The following HTR1F variants were observed in gnomAD, a reference collection of about 807,000 sequenced individuals.
HTR1F encodes the protein 5-hydroxytryptamine receptor 1F, also known as 5-hydroxytryptamine (serotonin) receptor 1F, G protein-coupled.
HTR1F carries 17 observed loss-of-function variants against 24.0 expected under a neutral mutation model. The ratio of observed to expected loss-of-function variants is 0.71; its 90% CI spans 0.48 to 1.06. HTR1F has a LOEUF of 1.06. HTR1F is among the 50% of genes least tolerant of loss of function. The pLI, the probability that HTR1F is intolerant of heterozygous loss-of-function variation, is 0.00. For missense variants in HTR1F, 391 were observed against 427.8 expected (o/e 0.91, Z 0.76); for synonymous variants, 186 against 156.8 (o/e 1.19, Z -1.39).
intron 2 of HTR1F, among the ~76,000 whole-genome samples, chr3:87,946,028 T>C (rs1704692639): frequency 6.6e-6 from 1 of 152,170 alleles, no homozygotes; most frequent in Admixed American, 6.5e-5. Flanking sequence ...GTTATAGCTC[T>C]ATTAGAAGCC....
At chr3:87,936,277 T>C (rs1252117541) in intron 2 of HTR1F, among the ~76,000 whole-genome samples, 1 of 152,232 alleles carries the variant, frequency 6.6e-6, no homozygotes, top group African/African-American at 2.4e-5. Context: ...GCATTCAGTA[T>C]GCTAAAATTA....
At chr3:87,938,029 T>G (rs1263477495) in intron 2 of HTR1F, among the ~76,000 whole-genome samples, 1 of 152,016 alleles carries the variant, frequency 6.6e-6, no homozygotes, top group East Asian at 1.9e-4. Context: ...TGATTCTATA[T>G]GTAGACAGTC....
At chr3:87,823,734 C>G (rs1041967411) in intron 2 of HTR1F, among the ~76,000 whole-genome samples, 3 of 151,884 alleles carry the variant, frequency 2.0e-5, no homozygotes, top group African/African-American at 7.3e-5. Context: ...CCTCCTCAGC[C>G]TCCCAAAGTG....
intron 2 of HTR1F, among the ~76,000 whole-genome samples, chr3:87,890,832 G>A (rs2932301): frequency 0.37 from 55,721 of 150,634 alleles, 15,086 homozygotes; most frequent in African/African-American, 0.77. Context: ...TTGACTACAA[G>A]TCAATTATTT....
chr3:87,969,489 G>C (rs1195131842), intron 2 of HTR1F, among the ~76,000 whole-genome samples: 1 of 152,186 alleles, frequency 6.6e-6, no homozygotes, highest in South Asian at 2.1e-4. Context: ...CTGGATTTTG[G>C]ACTTTCACGG....
chr3:87,983,533 A>T (rs1014741950), intron 2 of HTR1F, among the ~76,000 whole-genome samples: 1 of 152,136 alleles, frequency 6.6e-6, no homozygotes, highest in Non-Finnish European at 1.5e-5. Flanking sequence ...ACCTGAGCCC[A>T]CTTTACACCT....
At chr3:87,808,306 T>A (rs1704105657) in intron 1 of HTR1F, among the ~76,000 whole-genome samples, 1 of 151,978 alleles carries the variant, frequency 6.6e-6, no homozygotes, top group Non-Finnish European at 1.5e-5. Flanking sequence ...TTGTTATTGA[T>A]CTGTTCAGAT....
At chr3:87,927,921 T>C (rs1268453223) in intron 2 of HTR1F, among the ~76,000 whole-genome samples, 2 of 152,132 alleles carry the variant, frequency 1.3e-5, no homozygotes, top group African/African-American at 4.8e-5. Context: ...AATTTTTATA[T>C]CAATGGTAAT....
intron 2 of HTR1F, among the ~76,000 whole-genome samples, chr3:87,929,565 C>A (rs1234688709): frequency 6.6e-6 from 1 of 151,922 alleles, no homozygotes; most frequent in Non-Finnish European, 1.5e-5. Flanking sequence ...AGGTTGTGTC[C>A]CCATTAATCA....
intron 1 of HTR1F, among the ~76,000 whole-genome samples, chr3:87,821,513 A>G (rs1194308714): frequency 6.6e-6 from 1 of 152,144 alleles, no homozygotes; most frequent in Non-Finnish European, 1.5e-5. Flanking sequence ...TGATATTGTG[A>G]TGTCCCTTAC....
chr3:87,889,267 C>A (rs1263117373), intron 2 of HTR1F, among the ~76,000 whole-genome samples: 1 of 152,066 alleles, frequency 6.6e-6, no homozygotes, highest in Non-Finnish European at 1.5e-5. Context: ...ATAAATTACC[C>A]AGCCTCATGT....
At chr3:87,890,931 T>G (rs1458957187) in intron 2 of HTR1F, among the ~76,000 whole-genome samples, 2 of 149,432 alleles carry the variant, frequency 1.3e-5, no homozygotes. Context: ...AACCTGTGCC[T>G]CCCGGGTTCA....
intron 2 of HTR1F, among the ~76,000 whole-genome samples, chr3:87,923,404 T>G (rs1235572816): frequency 6.6e-6 from 1 of 152,016 alleles, no homozygotes; most frequent in Non-Finnish European, 1.5e-5. Flanking sequence ...CATTTTGGGG[T>G]CTTCATCAAT....
At chr3:87,883,053 C>T (rs183155837) in intron 2 of HTR1F, among the ~76,000 whole-genome samples, 24 of 152,094 alleles carry the variant, frequency 1.6e-4, no homozygotes, top group African/African-American at 3.6e-4. Flanking sequence ...CCAGTAGGGG[C>T]GGACACCTCA....
intron 2 of HTR1F, among the ~76,000 whole-genome samples, chr3:87,927,044 G>A (rs1049138207): frequency 3.9e-5 from 6 of 152,102 alleles, no homozygotes; most frequent in African/African-American, 1.4e-4. Flanking sequence ...AAAATGACAG[G>A]GGAGTGGTGG....
At chr3:87,804,981 C>G (rs778814230) in intron 1 of HTR1F, among the ~76,000 whole-genome samples, 3 of 151,916 alleles carry the variant, frequency 2.0e-5, no homozygotes, top group Non-Finnish European at 4.4e-5. Context: ...GAGTTGTTAT[C>G]ATAATGTTTT....
At chr3:87,884,685 G>A (rs1293563184) in intron 2 of HTR1F, among the ~76,000 whole-genome samples, 4 of 150,878 alleles carry the variant, frequency 2.7e-5, no homozygotes, top group Admixed American at 2.6e-4. Flanking sequence ...GCAAAAAAAA[G>A]CAGAGATTGC....
chr3:87,864,810 C>T (rs866216550), intron 2 of HTR1F, among the ~76,000 whole-genome samples: 6 of 150,638 alleles, frequency 4.0e-5, no homozygotes, highest in East Asian at 2.0e-4. Flanking sequence ...GCAGGAGAAT[C>T]GCTTGAACCT....
chr3:87,850,572 C>T (rs568706736), intron 2 of HTR1F, among the ~76,000 whole-genome samples: 6 of 151,156 alleles, frequency 4.0e-5, no homozygotes, highest in East Asian at 3.9e-4. Flanking sequence ...CAAACCTGCA[C>T]GTTGTGCACA....
Sources: allele counts gnomAD v4.1 joint callset (sites outside exome capture counted in the v4.1 genomes callset), GRCh38; gene constraint gnomAD v4.1.1; transcripts MANE v1.5; gene names NCBI Gene and HGNC (gene_info 2026-07-23, HGNC 2026-07-21).